The following PRKG1 variants were observed in gnomAD, a reference collection of about 807,000 sequenced individuals.
The protein encoded by PRKG1 is cGMP-dependent protein kinase 1.
A neutral mutation model predicts 88.1 loss-of-function variants in PRKG1; 35 were observed. That is an observed-to-expected ratio of 0.40 (90% CI 0.30 to 0.53). The LOEUF is 0.53. PRKG1 is among the 20% of genes least tolerant of loss of function. PRKG1 has a pLI of 0.59. For missense variants in PRKG1, 540 were observed against 839.8 expected (o/e 0.64, Z 4.41); for synonymous variants, 303 against 292.5 (o/e 1.04, Z -0.37).
At chr10:51,058,729 T>A (rs551696353) in intron 1 of PRKG1, among the ~76,000 whole-genome samples, 1 of 152,292 alleles carries the variant, frequency 6.6e-6, no homozygotes, top group African/African-American at 2.4e-5. Context: ...TATTACCTAC[T>A]CTAAGTTAGT....
intron 1 of PRKG1, among the ~76,000 whole-genome samples, chr10:51,146,188 CA>C (rs540117404): frequency 1.1e-3 from 149 of 137,682 alleles, no homozygotes; most frequent in Middle Eastern, 3.6e-3. Context: ...GACTCTGTCT[CA>C]AAAAAAAAAA....
chr10:51,567,245 T>A (rs1452354087), intron 3 of PRKG1, among the ~76,000 whole-genome samples: 2 of 152,044 alleles, frequency 1.3e-5, no homozygotes, highest in Non-Finnish European at 2.9e-5. Flanking sequence ...AGGCTGATGG[T>A]TGGGGTGGGA....
chr10:51,046,548 CT>C (rs1397192365), intron 1 of PRKG1, among the ~76,000 whole-genome samples: 2 of 152,154 alleles, frequency 1.3e-5, no homozygotes, highest in Non-Finnish European at 2.9e-5. Flanking sequence ...ACGATTTTTC[CT>C]TTGGCATTAC....
intron 3 of PRKG1, among the ~76,000 whole-genome samples, chr10:51,471,319 T>C (rs1013961291): frequency 6.6e-6 from 1 of 151,892 alleles, no homozygotes; most frequent in Non-Finnish European, 1.5e-5. Flanking sequence ...TATTGTTTGA[T>C]TTTTTTAATA....
intron 1 of PRKG1, among the ~76,000 whole-genome samples, chr10:51,013,869 T>A (rs1271024207): frequency 6.6e-6 from 1 of 152,180 alleles, no homozygotes; most frequent in Non-Finnish European, 1.5e-5. Flanking sequence ...AATAATGTAG[T>A]GAGGCTATTC....
intron 5 of PRKG1, among the ~76,000 whole-genome samples, chr10:51,987,265 C>T (rs1007298299): frequency 2.6e-5 from 4 of 151,374 alleles, no homozygotes; most frequent in African/African-American, 9.7e-5. Context: ...GATGTATGTA[C>T]TTTTGTGAAG....
chr10:52,054,966 C>A (rs1336267353), intron 6 of PRKG1, among the ~76,000 whole-genome samples: 2 of 152,064 alleles, frequency 1.3e-5, no homozygotes, highest in Non-Finnish European at 1.5e-5. Context: ...AAAACCTCAT[C>A]TATACAAAAA....
intron 1 of PRKG1, among the ~76,000 whole-genome samples, chr10:51,023,679 T>C (rs1447639153): frequency 6.6e-6 from 1 of 152,212 alleles, no homozygotes; most frequent in Non-Finnish European, 1.5e-5. Context: ...AAATAAGTAA[T>C]GCATAACCTG....
chr10:51,410,844 T>G (rs1379535360), intron 2 of PRKG1, among the ~76,000 whole-genome samples: 2 of 151,534 alleles, frequency 1.3e-5, no homozygotes, highest in African/African-American at 2.4e-5. Flanking sequence ...AATATACACT[T>G]GTAGTCAAAT....
intron 3 of PRKG1, among the ~76,000 whole-genome samples, chr10:51,498,874 C>A (rs1459121632): frequency 6.6e-6 from 1 of 151,258 alleles, no homozygotes; most frequent in African/African-American, 2.4e-5. Context: ...CCTTCTTTAG[C>A]TATCATTTCT....
At chr10:51,006,675 G>A (rs933691202) in intron 1 of PRKG1, among the ~76,000 whole-genome samples, 1 of 151,948 alleles carries the variant, frequency 6.6e-6, no homozygotes, top group African/African-American at 2.4e-5. Context: ...TTCCATCCAT[G>A]GTGTTGTCTC....
chr10:51,908,703 C>CTATCTATCATCTA (rs746537128), intron 5 of PRKG1: 7 of 95,494 alleles, frequency 7.3e-5, no homozygotes, highest in Admixed American at 4.7e-4. Context: ...CTCTCTCTCT[C>CTATCTATCATCTA]TCTCTCTCTC....
chr10:51,732,031 C>A (rs547754902), intron 3 of PRKG1, among the ~76,000 whole-genome samples: 1 of 92,402 alleles, frequency 1.1e-5, no homozygotes, highest in East Asian at 2.5e-4. Context: ...CCCTTCCTTC[C>A]TTCTTTCCTT....
At chr10:51,896,645 TAAAAAAAAAAAAAAA>T (rs10649150) in intron 4 of PRKG1, among the ~76,000 whole-genome samples, 1 of 95,004 alleles carries the variant, frequency 1.1e-5, no homozygotes, top group Non-Finnish European at 1.9e-5. Context: ...CCCTGTCTCT[TAAAAAAAAAAAAAAA>T]AAAAAAAAAA....
intron 3 of PRKG1, among the ~76,000 whole-genome samples, chr10:51,611,876 C>T (rs1006103435): frequency 6.6e-6 from 1 of 152,076 alleles, no homozygotes; most frequent in South Asian, 2.1e-4. Context: ...TTTCCTAGCA[C>T]CATTTATTAA....
At chr10:51,780,601 C>T (rs1008564878) in intron 3 of PRKG1, among the ~76,000 whole-genome samples, 3 of 152,214 alleles carry the variant, frequency 2.0e-5, no homozygotes, top group African/African-American at 7.2e-5. Flanking sequence ...AACTTTTAAT[C>T]ATTTCTGGAC....
At chr10:51,764,087 A>T (rs949093682) in intron 3 of PRKG1, among the ~76,000 whole-genome samples, 1 of 152,234 alleles carries the variant, frequency 6.6e-6, no homozygotes, top group Non-Finnish European at 1.5e-5. Flanking sequence ...TGTGTTTCAG[A>T]GAGGAACAAA....
intron 4 of PRKG1, among the ~76,000 whole-genome samples, chr10:51,850,900 G>A (rs1464503628): frequency 6.6e-6 from 1 of 152,094 alleles, no homozygotes; most frequent in Non-Finnish European, 1.5e-5. Context: ...ATGAAAAAAA[G>A]ACTCTACTGG....
At chr10:52,184,859 G>A (rs1367348224) in intron 9 of PRKG1, 1 of 152,082 alleles carries the variant, frequency 6.6e-6, no homozygotes, top group Non-Finnish European at 1.5e-5. Flanking sequence ...TGAAGTAACG[G>A]AGCAATAACT....
Sources: allele counts gnomAD v4.1 joint callset (sites outside exome capture counted in the v4.1 genomes callset), GRCh38; gene constraint gnomAD v4.1.1; transcripts MANE v1.5; gene names NCBI Gene and HGNC (gene_info 2026-07-23, HGNC 2026-07-21).